Variants in PTPRN2 observed in about 807,000 individuals in gnomAD.
PTPRN2 encodes the protein protein tyrosine phosphatase receptor type N2, also known as receptor-type tyrosine-protein phosphatase N2.
A neutral mutation model predicts 118.8 loss-of-function variants in PTPRN2; 74 were observed. That is an observed-to-expected ratio of 0.62 (90% CI 0.52 to 0.76). PTPRN2 has a LOEUF of 0.76. Among genes scored for constraint, PTPRN2 ranks in the 30% least tolerant of loss-of-function variants. The pLI, the probability that PTPRN2 is intolerant of heterozygous loss-of-function variation, is 0.00. For synonymous variants in PTPRN2, 641 were observed against 608.0 expected, an observed-to-expected ratio of 1.05 and a Z score of -0.80; for missense variants, 1,481 against 1,394.4, an observed-to-expected ratio of 1.06 and a Z score of -0.99.
chr7:157,642,814 CAAAAAAAAA>C (rs11335302), intron 14 of PTPRN2, among the ~76,000 whole-genome samples: 5 of 24,222 alleles, frequency 2.1e-4, no homozygotes, highest in Non-Finnish European at 3.4e-4. Flanking sequence ...CAAGAAACAG[CAAAAAAAAA>C]AAAAAAAAAA....
intron 13 of PTPRN2, among the ~76,000 whole-genome samples, chr7:157,673,768 T>G (rs953124840): frequency 6.6e-6 from 1 of 152,064 alleles, no homozygotes; most frequent in Non-Finnish European, 1.5e-5. Flanking sequence ...TCTCACGTAC[T>G]CTGAACCCCA....
intron 4 of PTPRN2, among the ~76,000 whole-genome samples, chr7:158,196,475 C>A (rs977232360): frequency 1.3e-5 from 2 of 152,244 alleles, no homozygotes; most frequent in African/African-American, 2.4e-5. Context: ...CTGCATCCCA[C>A]ACTGGTCCCC....
At position 158,022,975 on chromosome 7, in the gene PTPRN2, A is replaced by G. The variant is rs955231623; in HGVS notation, c.1723+58323T>C. 6.6e-6 allele frequency among the ~76,000 whole-genome samples: 1 copy of G among 152,080 alleles called. No individual in the cohort carries two copies. The highest frequency in any genetic ancestry group is 1.5e-5 in the Non-Finnish European group (1 of 68,014). ...GCCCTGGTGAGTCTGAACTCTGTGC[A>G]CTCCTGTTTAGTCCTCAATGGGAAA... On this transcript the variant is annotated intron_variant, in intron 11 of 22. Coordinates refer to ENST00000389418, the MANE Select transcript of PTPRN2 (RefSeq NM_002847.5). This position sits in a 1 kb window ranked among gnomAD's most constrained non-coding sequence, Gnocchi z 4.6.
At chr7:158,164,308 G>T (rs111501690) in intron 6 of PTPRN2, among the ~76,000 whole-genome samples, 2 of 147,578 alleles carry the variant, frequency 1.4e-5, no homozygotes. Flanking sequence ...ACGCAGAGCA[G>T]GAGCGCGTGC....
chr7:157,879,836 T>C (rs1374811194), intron 12 of PTPRN2, among the ~76,000 whole-genome samples: 1 of 119,784 alleles, frequency 8.3e-6, no homozygotes, highest in Non-Finnish European at 1.8e-5. Context: ...ACGTCTTTGT[T>C]AAAAAAAAAA....
At chr7:158,405,925 G>A (rs578121584) in intron 2 of PTPRN2, among the ~76,000 whole-genome samples, 2 of 146,862 alleles carry the variant, frequency 1.4e-5, no homozygotes, top group East Asian at 4.2e-4. Flanking sequence ...GAGACACGTG[G>A]CCGCACACTG....
intron 11 of PTPRN2, among the ~76,000 whole-genome samples, chr7:157,947,112 G>A (rs1800535483): frequency 6.6e-6 from 1 of 152,160 alleles, no homozygotes; most frequent in Non-Finnish European, 1.5e-5. Context: ...AGAGCTGAAG[G>A]GAGGCACAGG....
chr7:158,182,693 T>G (rs1204007810), intron 5 of PTPRN2, among the ~76,000 whole-genome samples: 1 of 152,244 alleles, frequency 6.6e-6, no homozygotes, highest in African/African-American at 2.4e-5. Context: ...ATGGTGTATA[T>G]GTACCACATT....
At chr7:157,543,779 C>T (rs1691778072) in intron 22 of PTPRN2, among the ~76,000 whole-genome samples, 1 of 152,332 alleles carries the variant, frequency 6.6e-6, no homozygotes, top group South Asian at 2.1e-4. Flanking sequence ...TCCCCCAGCA[C>T]CTCTCAAAAG....
At chr7:157,695,493 A>G (rs1413912732) in intron 12 of PTPRN2, among the ~76,000 whole-genome samples, 1 of 152,196 alleles carries the variant, frequency 6.6e-6, no homozygotes, top group Non-Finnish European at 1.5e-5. Context: ...ATCCTTAAAA[A>G]TATTGTAGGT....
In PTPRN2 at chr7:157,831,150, C is replaced by G. The variant is rs1276929861; in HGVS notation, c.1788+67523G>C. Among the ~76,000 whole-genome samples, 1 of 152,146 alleles carries G rather than the reference C, an allele frequency of 6.6e-6. No homozygotes were observed. Among genetic ancestry groups the G allele is most frequent in the Non-Finnish European group, 1.5e-5 (1 of 68,030 alleles). ...AAATTCTGGGATAAAGGGAGAAGCA[C>G]AGGAAGAGGGACTCCTTGCTGTGAG... On this transcript the variant is annotated intron_variant, in intron 12 of 22. Coordinates refer to ENST00000389418, the MANE Select transcript of PTPRN2 (RefSeq NM_002847.5). The surrounding 1 kb of genome is among the most constrained non-coding windows in gnomAD (Gnocchi z 4.8).
rs1826930564 is a variant in PTPRN2 at position 158,555,696 on chromosome 7, T to A, written c.112+31862A>T. Reference sequence around the variant, plus strand: ...CAGAAGCTGGCAACAGAGTCAGGAATCTGAAGGGTAAAGGGAGCTCTTCCG... The same window carrying A: ...CAGAAGCTGGCAACAGAGTCAGGAAACTGAAGGGTAAAGGGAGCTCTTCCG... On this transcript the variant is annotated intron_variant, in intron 1 of 22. Coordinates refer to ENST00000389418, the MANE Select transcript of PTPRN2 (RefSeq NM_002847.5). The surrounding 1 kb of genome is among the most constrained non-coding windows in gnomAD (Gnocchi z 4.7). Among the ~76,000 whole-genome samples the A allele has an allele frequency of 6.6e-6, 1 of 151,968 alleles. No individual in the cohort carries two copies. Among genetic ancestry groups the A allele is most frequent in the Non-Finnish European group, 1.5e-5 (1 of 67,996 alleles).
intron 11 of PTPRN2, among the ~76,000 whole-genome samples, chr7:157,993,098 C>G (rs1003592314): frequency 9.2e-5 from 14 of 152,180 alleles, no homozygotes; most frequent in African/African-American, 3.4e-4. Flanking sequence ...GGTGGGTGGC[C>G]TCTATTGAGG....
intron 7 of PTPRN2, 130 bp downstream of exon 7, chr7:158,138,161 CATT>C: frequency 1.3e-6 from 1 of 785,540 alleles, no homozygotes. Context: ...AGATAAAAAT[CATT>C]AATACAGATC....
intron 1 of PTPRN2, among the ~76,000 whole-genome samples, chr7:158,502,345 G>A: frequency 6.6e-6 from 1 of 152,216 alleles, no homozygotes; most frequent in East Asian, 1.9e-4. Context: ...GCCAACTCTT[G>A]ATTTATTAGA....
chr7:158,316,704 C>T, intron 3 of PTPRN2, 115 bp downstream of exon 3: 1 of 753,132 alleles, frequency 1.3e-6, no homozygotes, highest in Non-Finnish European at 2.1e-6. Context: ...GCCCCTTCCA[C>T]CACCACACTC....
intron 6 of PTPRN2, among the ~76,000 whole-genome samples, chr7:158,151,055 CACTG>C (rs1820993136): frequency 2.9e-5 from 4 of 140,168 alleles, no homozygotes; most frequent in African/African-American, 5.4e-5. Context: ...TGCCTGCCCA[CACTG>C]CCCGCCTTTC....
chr7:157,705,522 C>T (rs538031917), intron 12 of PTPRN2, among the ~76,000 whole-genome samples: 8 of 151,938 alleles, frequency 5.3e-5, no homozygotes, highest in East Asian at 3.9e-4. Flanking sequence ...CAGATCAACG[C>T]GGATCACATC....
intron 1 of PTPRN2, among the ~76,000 whole-genome samples, chr7:158,519,472 C>G (rs558402972): frequency 6.6e-6 from 1 of 152,294 alleles, no homozygotes. Context: ...AGGTGGCTCT[C>G]AGGGCATGGG....
Sources: allele counts gnomAD v4.1 joint callset (sites outside exome capture counted in the v4.1 genomes callset), GRCh38; gene constraint gnomAD v4.1.1; non-coding constraint Gnocchi (gnomAD v3.1); transcripts MANE v1.5; gene names NCBI Gene and HGNC (gene_info 2026-07-23, HGNC 2026-07-21).